The following NELL1 variants were observed in gnomAD, a reference collection of about 807,000 sequenced individuals.
NELL1 encodes the protein neural EGFL like 1, also known as protein kinase C-binding protein NELL1.
Under a neutral mutation model 107.4 loss-of-function variants are expected in NELL1, and 76 were observed. The ratio of observed to expected loss-of-function variants is 0.71; its 90% CI spans 0.59 to 0.86. The LOEUF (loss-of-function observed/expected upper bound fraction) is 0.86, where lower values mean the gene tolerates loss of function less well. Among genes scored for constraint, NELL1 ranks in the 40% least tolerant of loss-of-function variants. The pLI is 0.00. For missense variants in NELL1, 1,024 were observed against 1,005.5 expected (o/e 1.02, Z -0.25); for synonymous variants, 353 against 341.2 (o/e 1.03, Z -0.38).
intron 2 of NELL1, among the ~76,000 whole-genome samples, chr11:20,724,549 G>A (rs964772805): frequency 6.6e-6 from 1 of 152,156 alleles, no homozygotes. Context: ...CTAAAGCATA[G>A]CATGAGTGAC....
At chr11:20,677,530 G>C (rs1007903303) in intron 1 of NELL1, among the ~76,000 whole-genome samples, 9 of 152,182 alleles carry the variant, frequency 5.9e-5, no homozygotes, top group African/African-American at 2.2e-4. Context: ...ATGCCAATTA[G>C]AGAAGTATGT....
At chr11:20,922,685 G>T (rs553988770) in intron 7 of NELL1, among the ~76,000 whole-genome samples, 1 of 152,128 alleles carries the variant, frequency 6.6e-6, no homozygotes, top group Non-Finnish European at 1.5e-5. Flanking sequence ...GATTAAGATG[G>T]GTAGACAGTC....
chr11:21,165,530 A>G (rs528941584), intron 13 of NELL1, among the ~76,000 whole-genome samples: 1 of 152,288 alleles, frequency 6.6e-6, no homozygotes, highest in South Asian at 2.1e-4. Context: ...CAAAAAAACT[A>G]AAAACAGAGT....
intron 12 of NELL1, among the ~76,000 whole-genome samples, chr11:21,063,500 C>G (rs1203149481): frequency 6.6e-6 from 1 of 152,162 alleles, no homozygotes; most frequent in Non-Finnish European, 1.5e-5. Flanking sequence ...CCAATCCTGA[C>G]ATTATCTAGG....
intron 13 of NELL1, among the ~76,000 whole-genome samples, chr11:21,128,443 G>A (rs1855538362): frequency 6.6e-6 from 1 of 152,050 alleles, no homozygotes; most frequent in Non-Finnish European, 1.5e-5. Flanking sequence ...TCAAATAGCT[G>A]GGATGTTAGA....
chr11:21,381,904 ATTTTTTTTT>A (rs149327802), intron 15 of NELL1, among the ~76,000 whole-genome samples: 8 of 91,376 alleles, frequency 8.8e-5, no homozygotes, highest in East Asian at 7.5e-4. Context: ...CCTGGAAGGG[ATTTTTTTTT>A]TTTTTTTTTT....
At chr11:20,879,485 A>T (rs1163939944) in intron 4 of NELL1, among the ~76,000 whole-genome samples, 1 of 152,180 alleles carries the variant, frequency 6.6e-6, no homozygotes, top group Non-Finnish European at 1.5e-5. Context: ...TAAATGTCCC[A>T]AATTGACTAG....
At chr11:20,680,454 TG>T (rs1469305669) in intron 2 of NELL1, among the ~76,000 whole-genome samples, 1 of 152,056 alleles carries the variant, frequency 6.6e-6, no homozygotes, top group Admixed American at 6.6e-5. Flanking sequence ...GGTGAGACAG[TG>T]GGTATAATCC....
intron 12 of NELL1, among the ~76,000 whole-genome samples, chr11:20,988,219 C>T (rs1590505154): frequency 6.6e-6 from 1 of 152,206 alleles, no homozygotes; most frequent in Admixed American, 6.5e-5. Context: ...ACTTCATATA[C>T]TAAGAGCCCT....
chr11:20,824,437 G>T (rs1857828591), intron 3 of NELL1, among the ~76,000 whole-genome samples: 2 of 151,228 alleles, frequency 1.3e-5, no homozygotes, highest in African/African-American at 4.8e-5. Context: ...TGAGTAACAG[G>T]CAGGGGTTGG....
At chr11:21,335,371 C>T (rs1206652689) in intron 14 of NELL1, among the ~76,000 whole-genome samples, 1 of 151,992 alleles carries the variant, frequency 6.6e-6, no homozygotes, top group Non-Finnish European at 1.5e-5. Flanking sequence ...TTACTTGTGT[C>T]AGTACCTGAG....
At chr11:20,997,135 G>C (rs1374419170) in intron 12 of NELL1, among the ~76,000 whole-genome samples, 1 of 152,154 alleles carries the variant, frequency 6.6e-6, no homozygotes. Context: ...CACAAAATTT[G>C]TCTACTAATA....
chr11:21,040,663 C>T (rs759304219), intron 12 of NELL1, among the ~76,000 whole-genome samples: 5 of 152,108 alleles, frequency 3.3e-5, no homozygotes, highest in Non-Finnish European at 7.3e-5. Context: ...CTTCTTTGGT[C>T]CTCATAGCCA....
At chr11:21,190,687 A>C (rs1857031119) in intron 13 of NELL1, among the ~76,000 whole-genome samples, 1 of 151,858 alleles carries the variant, frequency 6.6e-6, no homozygotes, top group Non-Finnish European at 1.5e-5. Flanking sequence ...CAGCCCTGGA[A>C]ATGTAATCAG....
intron 15 of NELL1, among the ~76,000 whole-genome samples, chr11:21,520,880 G>C (rs1332480059): frequency 1.3e-5 from 2 of 152,062 alleles, no homozygotes; most frequent in African/African-American, 4.8e-5. Context: ...AACATTTTTT[G>C]GTCTCTCATT....
chr11:20,687,697 T>G (rs1428582801), intron 2 of NELL1, among the ~76,000 whole-genome samples: 1 of 152,030 alleles, frequency 6.6e-6, no homozygotes, highest in Non-Finnish European at 1.5e-5. Flanking sequence ...GTTCAAGCGA[T>G]TCTCCTACCT....
intron 3 of NELL1, among the ~76,000 whole-genome samples, chr11:20,828,732 T>C (rs1196321376): frequency 1.3e-5 from 2 of 152,252 alleles, no homozygotes; most frequent in Non-Finnish European, 2.9e-5. Flanking sequence ...CATTTGTTTT[T>C]TCTTTTCAGT....
chr11:21,170,080 G>GT (rs1281766707), intron 13 of NELL1: 1 of 1,035,664 alleles, frequency 9.7e-7, no homozygotes, highest in Non-Finnish European at 1.5e-6. Context: ...TGGAGTCCAA[G>GT]TTCTTTGAAC....
chr11:20,812,511 T>A (rs896192632), intron 3 of NELL1, among the ~76,000 whole-genome samples: 3 of 152,226 alleles, frequency 2.0e-5, no homozygotes, highest in Non-Finnish European at 2.9e-5. Flanking sequence ...TTCAGTTTTT[T>A]AAAAAATATT....
Sources: allele counts gnomAD v4.1 joint callset (sites outside exome capture counted in the v4.1 genomes callset), GRCh38; gene constraint gnomAD v4.1.1; transcripts MANE v1.5; gene names NCBI Gene and HGNC (gene_info 2026-07-23, HGNC 2026-07-21).